SIDT2: variants seen among roughly 807,000 people sequenced by gnomAD.
SIDT2 encodes SID1 transmembrane family, member 2.
In SIDT2, 68 loss-of-function variants were observed where a neutral mutation model predicts 114.4. The ratio of observed to expected loss-of-function variants is 0.59; its 90% CI spans 0.49 to 0.73. The LOEUF is 0.73. SIDT2 is among the 30% of genes least tolerant of loss of function. SIDT2 has a pLI of 0.00. For synonymous variants in SIDT2, 470 were observed against 438.4 expected, an observed-to-expected ratio of 1.07 and a Z score of -0.90; for missense variants, 918 against 1,097.1, an observed-to-expected ratio of 0.84 and a Z score of 2.31.
intron 8 of SIDT2, among the ~76,000 whole-genome samples, chr11:117,184,970 G>A (rs374912464): frequency 5.3e-5 from 8 of 151,892 alleles, no homozygotes; most frequent in Non-Finnish European, 7.4e-5. Flanking sequence ...CAGGTGATCC[G>A]CCCACCTTGG....
In SIDT2 at chr11:117,196,431, GTCC is replaced by G. The variant is rs767773544; in HGVS notation, c.*372_*374del. The G allele has an allele frequency of 3.5e-6, 1 of 285,110 alleles. No individual in the cohort carries two copies. The highest frequency in any genetic ancestry group is 4.2e-5 in the South Asian group (1 of 23,550). The allele number at this position is 285,110 out of a possible 1,614,324, so 17.7% of individuals were successfully genotyped here. On this transcript the variant is annotated 3_prime_UTR_variant, in exon 26 of 26. Transcript: ENST00000324225. This position sits in a 1 kb window ranked among gnomAD's most constrained non-coding sequence, Gnocchi z 4.9. ...CCATTTCATGCCTTGCATTTTGCCC[GTCC>G]TCCTCCCCACAATGCCCCAGCCTGG... is the stretch of plus-strand genomic sequence containing the variant.
At chr11:117,182,943 TTGAGTCCCCTGATATATA>T in intron 6 of SIDT2, 137 bp downstream of exon 6, 1 of 911,922 alleles carries the variant, frequency 1.1e-6, no homozygotes, top group Non-Finnish European at 1.6e-6. Context: ...CCCTGTGACT[TTGAGTCCCCTGATATATA>T]TGAGAGTTGT....
rs1230244407 is a variant in SIDT2 at position 117,192,502 on chromosome 11, GCTGGCA to G, written c.1982-70_1982-65del. 2 of 1,568,266 alleles carry G rather than the reference GCTGGCA, an allele frequency of 1.3e-6. No individual in the cohort carries two copies. The highest frequency in any genetic ancestry group is 1.7e-6 in the Non-Finnish European group (2 of 1,149,768). On this transcript the variant is annotated intron_variant, in intron 20 of 25. Coordinates refer to ENST00000324225, the MANE Select transcript of SIDT2 (RefSeq NM_001040455.2). The surrounding 1 kb of genome is among the most constrained non-coding windows in gnomAD (Gnocchi z 5.9). ...AATTAGATCAGGCCTGGGCTCCTCA[GCTGGCA>G]CATCCCAGGGGTCCAGCAAAGGAGG...
chr11:117,185,961 G>A (rs1418897579), intron 8 of SIDT2, 169 bp from the exon 9 acceptor site: 4 of 570,762 alleles, frequency 7.0e-6, no homozygotes, highest in African/African-American at 1.9e-5. Context: ...AGAGTTTGGT[G>A]TATTAGAGGA....
Position 117,189,643 on chromosome 11 carries a change from G to A in SIDT2, c.1419+242G>A, listed in dbSNP as rs892153761. The A allele has an allele frequency of 2.5e-5, 15 of 603,962 alleles. No homozygotes were observed. The African/African-American group carries it at 2.6e-4, about 10-fold the overall frequency. 37.4% of individuals were successfully genotyped at this position (603,962 alleles called of 1,614,324 possible). A position where few individuals can be genotyped will look rare whatever the true frequency, so the allele number is the denominator to read the frequency against. The stretch of plus-strand genomic sequence containing the variant: ...ATAGCCCCTCCCTGGTTTCTTGTGC[G>A]GATTATGAAACCAAAGTCCTGGGGC... On this transcript the variant is annotated intron_variant, in intron 15 of 25. Coordinates refer to ENST00000324225, the MANE Select transcript of SIDT2 (RefSeq NM_001040455.2).
rs746702318 is a variant in SIDT2 at position 117,192,668 on chromosome 11, C to G, written c.2058+18C>G. 2 of 1,612,922 alleles carry G rather than the reference C, an allele frequency of 1.2e-6. No homozygotes were observed. The highest frequency in any genetic ancestry group is 8.5e-7 in the Non-Finnish European group (1 of 1,179,992). ...TCTACGTGGTACCTGCCTGGTTCCC[C>G]TGCTCCATTCTCCACATCTCCTTTC... On this transcript the variant is annotated intron_variant, in intron 21 of 25. Coordinates refer to ENST00000324225, the MANE Select transcript of SIDT2 (RefSeq NM_001040455.2). This position sits in a 1 kb window ranked among gnomAD's most constrained non-coding sequence, Gnocchi z 5.9.
chr11:117,186,743 T>C (rs2030511533), intron 10 of SIDT2, 107 bp downstream of exon 10: 2 of 996,332 alleles, frequency 2.0e-6, no homozygotes, highest in Non-Finnish European at 2.9e-6. Context: ...TGGGGGTTTC[T>C]GGATGTTCAG....
Position 117,188,634 on chromosome 11 carries a change from T to C in SIDT2, c.1160-74T>C. ...CCCTACTGCCTAATAATTGTTACAA[T>C]TGCCTCAGATGGGCGAGGGCCACTG... On this transcript the variant is annotated intron_variant, in intron 12 of 25. Transcript: ENST00000324225. The surrounding 1 kb of genome is among the most constrained non-coding windows in gnomAD (Gnocchi z 4.0). 1 of 1,168,580 alleles carries C rather than the reference T, an allele frequency of 8.6e-7. No homozygotes were observed. Among genetic ancestry groups the C allele is most frequent in the South Asian group, 1.2e-5 (1 of 81,738 alleles). The allele number at this position is 1,168,580 out of a possible 1,614,324, so 72.4% of individuals were successfully genotyped here.
chr11:117,191,442 G>A (rs139685157), intron 18 of SIDT2: 5,459 of 169,098 alleles, frequency 0.032, 125 homozygotes, highest in South Asian at 0.092. Flanking sequence ...AGATTAGCTG[G>A]GTGTGGTGGT....
chr11:117,181,860 C>A lies in SIDT2; in HGVS notation c.359C>A (p.Pro120His). 6.2e-7 allele frequency: 1 copy of A among 1,614,192 alleles called. No individual in the cohort carries two copies. The highest frequency in any genetic ancestry group is 1.1e-5 in the South Asian group (1 of 91,084). Residue 120 changes from proline (P) to histidine (H), a missense_variant, in exon 3 of 26, where the codon CCC (proline) becomes CAC (histidine). Physicochemically the swap from Pro to His is moderately conservative, Grantham distance 77 (BLOSUM62 -2). This residue lies in a region of SIDT2 where 553 missense variants were observed against 600.1 expected (regional missense o/e 0.92). Coordinates refer to ENST00000324225, the MANE Select transcript of SIDT2 (RefSeq NM_001040455.2). ...QKVERTLCQP[P>H]TKNESEIQFF... Reference sequence around the variant, plus strand: ...GTGGAACGAACCCTGTGTCAGCCCCCCACCAAGAATGAGTCGGAGATTCAG... The same window carrying A: ...GTGGAACGAACCCTGTGTCAGCCCCACACCAAGAATGAGTCGGAGATTCAG...
Position 117,196,434 on chromosome 11 carries a change from C to G in SIDT2, c.*368C>G, listed in dbSNP as rs114557513. ...TTTCATGCCTTGCATTTTGCCCGTC[C>G]TCCTCCCCACAATGCCCCAGCCTGG... On this transcript the variant is annotated 3_prime_UTR_variant, in exon 26 of 26. Coordinates refer to ENST00000324225, the MANE Select transcript of SIDT2 (RefSeq NM_001040455.2). This position sits in a 1 kb window ranked among gnomAD's most constrained non-coding sequence, Gnocchi z 4.9. The G allele has an allele frequency of 8.0e-3, 2,260 of 284,030 alleles. 45 individuals carry two copies. Among genetic ancestry groups the G allele is most frequent in the African/African-American group, 0.046 (2,118 of 46,014 alleles). 17.6% of individuals were successfully genotyped at this position (284,030 alleles called of 1,614,324 possible). A position where few individuals can be genotyped will look rare whatever the true frequency, so the allele number is the denominator to read the frequency against.
At chr11:117,182,858 T>C (rs371210150) in intron 6 of SIDT2, 52 bp downstream of exon 6, 8 of 1,566,892 alleles carry the variant, frequency 5.1e-6, no homozygotes, top group African/African-American at 1.4e-5. Flanking sequence ...ATAAGCTGTG[T>C]AGCTTTCCAA....
At position 117,192,848 on chromosome 11, in the gene SIDT2, A is replaced by G. The variant is rs770859119; in HGVS notation, c.2087A>G (p.Asn696Ser). ...CGCATGGTGCTGCTGGTCATGGGCA[A>G]CGTCATCAACTGGTCGCTGTGAGTA... ...VDRMVLLVMGNVINWSLAAYG... is the reference protein window; with the variant it reads ...VDRMVLLVMGSVINWSLAAYG... Residue 696 changes from asparagine (N) to serine (S), a missense_variant, in exon 22 of 26, where the codon AAC becomes AGC. Around this residue, in one of 4 missense-constraint regions of SIDT2, gnomAD observed 275 missense variants for 397.6 expected, o/e 0.69. Coordinates refer to ENST00000324225, the MANE Select transcript of SIDT2 (RefSeq NM_001040455.2). This position sits in a 1 kb window ranked among gnomAD's most constrained non-coding sequence, Gnocchi z 5.9. 1.2e-5 allele frequency: 19 copies of G among 1,614,024 alleles called. No homozygotes were observed. Among genetic ancestry groups the G allele is most frequent in the Non-Finnish European group, 1.6e-5 (19 of 1,180,040 alleles).
chr11:117,184,021 ACT>A (rs2030400368), intron 7 of SIDT2, 51 bp from the exon 8 acceptor site: 4 of 1,602,190 alleles, frequency 2.5e-6, no homozygotes, highest in Non-Finnish European at 3.4e-6. Flanking sequence ...GATCCCACTG[ACT>A]CTAGCCAAGC....
Position 117,179,045 on chromosome 11 carries a change from C to G in SIDT2, c.-219C>G. 1.7e-6 allele frequency: 1 copy of G among 581,878 alleles called. No individual in the cohort carries two copies. Among genetic ancestry groups the G allele is most frequent in the Non-Finnish European group, 3.0e-6 (1 of 330,686 alleles). 36.0% of individuals were successfully genotyped at this position (581,878 alleles called of 1,614,324 possible). The stretch of plus-strand genomic sequence containing the variant: ...TCCCGTAGCCAGCATCCCCTCCCTC[C>G]CCGCCCCCTCCCGGCCGCCCCCTCC... On this transcript the variant is annotated 5_prime_UTR_variant, in exon 1 of 26. Transcript: ENST00000324225.
Position 117,179,259 on chromosome 11 carries a change from G to A in SIDT2, c.-5G>A. The A allele has an allele frequency of 2.5e-6, 4 of 1,607,078 alleles. No homozygotes were observed. The highest frequency in any genetic ancestry group is 3.4e-6 in the Non-Finnish European group (4 of 1,176,456). On this transcript the variant is annotated 5_prime_UTR_variant, in exon 1 of 26. Coordinates refer to ENST00000324225, the MANE Select transcript of SIDT2 (RefSeq NM_001040455.2). Reference sequence around the variant, plus strand: ...CACCGCTGCCACTGCCGCCCTGCCGGGGCCATGTTCGCTCTGGGCTTGCCC... The same window carrying A: ...CACCGCTGCCACTGCCGCCCTGCCGAGGCCATGTTCGCTCTGGGCTTGCCC...
Position 117,192,759 on chromosome 11 carries a change from G to A in SIDT2, c.2059-61G>A. 2 of 1,612,176 alleles carry A rather than the reference G, an allele frequency of 1.2e-6. No homozygotes were observed. Among genetic ancestry groups the A allele is most frequent in the Non-Finnish European group, 1.7e-6 (2 of 1,178,524 alleles). On this transcript the variant is annotated intron_variant, in intron 21 of 25. Transcript: ENST00000324225. The surrounding 1 kb of genome is among the most constrained non-coding windows in gnomAD (Gnocchi z 5.9). ...GGGAGAGTGGGGACCAGCTGGCTGG[G>A]CCTTCTTCCACCACCCTCCCTGCCC...
Position 117,188,835 on chromosome 11 carries a change from C to A in SIDT2, c.1278+9C>A. 6.2e-7 allele frequency: 1 copy of A among 1,611,670 alleles called. No individual in the cohort carries two copies. Among genetic ancestry groups the A allele is most frequent in the Non-Finnish European group, 8.5e-7 (1 of 1,177,754 alleles). On this transcript the variant is annotated intron_variant, in intron 13 of 25. Transcript: ENST00000324225. This position sits in a 1 kb window ranked among gnomAD's most constrained non-coding sequence, Gnocchi z 4.0. ...ATGTCATTCGCACCAAGGTCTGACCCGTGGGCCTGGCCTGGTCAGGCGTTT... is the reference window on the plus strand; with the variant it reads ...ATGTCATTCGCACCAAGGTCTGACCAGTGGGCCTGGCCTGGTCAGGCGTTT...
chr11:117,180,338 T>G (rs1288792883), intron 1 of SIDT2, among the ~76,000 whole-genome samples: 1 of 152,160 alleles, frequency 6.6e-6, no homozygotes, highest in African/African-American at 2.4e-5. Context: ...TTAGAGTCCT[T>G]TCTTCCTTTT....
Sources: gnomAD v4.1 joint callset for allele counts (sites outside exome capture counted in the v4.1 genomes callset) on GRCh38, gnomAD v4.1.1 for gene constraint, gnomAD v4.1.1 regional missense constraint, Gnocchi (gnomAD v3.1) non-coding constraint, MANE v1.5 for transcripts, NCBI Gene and HGNC (gene_info 2026-07-23, HGNC 2026-07-21) for gene names.